The following GPHN variants were observed in gnomAD, a reference collection of about 807,000 sequenced individuals.
The protein encoded by GPHN is gephyrin.
Under a neutral mutation model 95.5 loss-of-function variants are expected in GPHN, and 17 were observed. The ratio of observed to expected loss-of-function variants is 0.18; its 90% CI spans 0.12 to 0.27. The LOEUF is 0.27. GPHN is among the 10% of genes least tolerant of loss of function. The pLI is 1.00. For synonymous variants in GPHN, 320 were observed against 322.5 expected, an observed-to-expected ratio of 0.99 and a Z score of 0.08; for missense variants, 660 against 978.1, an observed-to-expected ratio of 0.67 and a Z score of 4.34.
chr14:66,575,228 C>G (rs1311257239), intron 1 of GPHN, among the ~76,000 whole-genome samples: 1 of 151,972 alleles, frequency 6.6e-6, no homozygotes, highest in Non-Finnish European at 1.5e-5. Context: ...TTTTTTTTCC[C>G]TCTCACTTTC....
chr14:67,170,280 G>A (rs1255729898), intron 21 of GPHN, among the ~76,000 whole-genome samples: 3 of 151,938 alleles, frequency 2.0e-5, no homozygotes, highest in Non-Finnish European at 4.4e-5. Context: ...ATTAATCACA[G>A]TGGTAATCAA....
chr14:66,565,843 A>C (rs1325567934), intron 1 of GPHN, among the ~76,000 whole-genome samples: 1 of 152,146 alleles, frequency 6.6e-6, no homozygotes, highest in Admixed American at 6.5e-5. Flanking sequence ...ACTTAACATG[A>C]ATAATCTGAT....
the GPHN span, among the ~76,000 whole-genome samples, chr14:67,679,849 C>T: frequency 2.0e-5 from 3 of 152,168 alleles, no homozygotes; most frequent in East Asian, 1.9e-4. Context: ...GAATGTATTA[C>T]AATCTTTAGT....
chr14:67,429,876 C>A, the GPHN span, among the ~76,000 whole-genome samples: 1 of 152,168 alleles, frequency 6.6e-6, no homozygotes. Flanking sequence ...AACAGCGCTA[C>A]AAGTAACAGC....
the GPHN span, chr14:67,589,601 A>G: frequency 1.0e-6 from 1 of 986,202 alleles, no homozygotes; most frequent in Non-Finnish European, 1.2e-6. Context: ...GAACACAGGC[A>G]CTAGGTTGAC....
chr14:66,672,872 T>C (rs529241385), intron 1 of GPHN, among the ~76,000 whole-genome samples: 1 of 152,278 alleles, frequency 6.6e-6, no homozygotes, highest in African/African-American at 2.4e-5. Context: ...ACAATCTCTG[T>C]TTTTTAATTG....
At chr14:66,874,868 G>C (rs2063583789) in intron 4 of GPHN, among the ~76,000 whole-genome samples, 1 of 152,150 alleles carries the variant, frequency 6.6e-6, no homozygotes, top group Non-Finnish European at 1.5e-5. Flanking sequence ...CCCCAACGTA[G>C]CAAGACAGGC....
intron 1 of GPHN, among the ~76,000 whole-genome samples, chr14:66,619,171 T>C (rs2063177940): frequency 1.3e-5 from 2 of 152,210 alleles, no homozygotes; most frequent in African/African-American, 2.4e-5. Flanking sequence ...AGCTTTTGGC[T>C]ATTACAAATA....
the GPHN span, chr14:67,241,297 G>T: frequency 6.6e-6 from 1 of 152,610 alleles, no homozygotes; most frequent in African/African-American, 2.4e-5. Flanking sequence ...GTCTCGCGGC[G>T]GCCGCAGGGG....
the GPHN span, among the ~76,000 whole-genome samples, chr14:67,706,438 C>G: frequency 6.6e-6 from 1 of 152,096 alleles, no homozygotes; most frequent in African/African-American, 2.4e-5. Context: ...GGTCAGAACA[C>G]AGTTTGGTTT....
At chr14:66,617,642 C>T (rs1483917736) in intron 1 of GPHN, among the ~76,000 whole-genome samples, 1 of 152,194 alleles carries the variant, frequency 6.6e-6, no homozygotes, top group African/African-American at 2.4e-5. Flanking sequence ...ATGGCTGTTT[C>T]TACTCTGCCA....
intron 10 of GPHN, among the ~76,000 whole-genome samples, chr14:67,057,137 C>T (rs572796890): frequency 1.6e-4 from 25 of 152,288 alleles, no homozygotes; most frequent in African/African-American, 4.8e-4. Flanking sequence ...CACAGTGCAG[C>T]GGCAGGCTGA....
chr14:67,413,451 G>A, the GPHN span, among the ~76,000 whole-genome samples: 5 of 152,154 alleles, frequency 3.3e-5, no homozygotes, highest in African/African-American at 1.2e-4. Context: ...TCTTCACCAG[G>A]CATGGGAAAG....
At chr14:66,757,209 C>A (rs2058588943) in intron 2 of GPHN, among the ~76,000 whole-genome samples, 1 of 152,078 alleles carries the variant, frequency 6.6e-6, no homozygotes, top group Non-Finnish European at 1.5e-5. Context: ...AAAGTTGATA[C>A]AATCTCCAAG....
At chr14:67,199,814 G>A in the GPHN span, 2 of 1,509,898 alleles carry the variant, frequency 1.3e-6, no homozygotes, top group Non-Finnish European at 1.8e-6. Flanking sequence ...GCCTCCTGGA[G>A]CCCTCCCACC....
the GPHN span, among the ~76,000 whole-genome samples, chr14:67,630,371 T>C: frequency 1.3e-5 from 2 of 152,292 alleles, no homozygotes; most frequent in African/African-American, 4.8e-5. Context: ...TCTTATCTGG[T>C]GCTACTGGCA....
At chr14:66,604,001 T>C (rs2062389126) in intron 1 of GPHN, among the ~76,000 whole-genome samples, 1 of 152,134 alleles carries the variant, frequency 6.6e-6, no homozygotes, top group South Asian at 2.1e-4. Context: ...ATTTAGGTCT[T>C]GGGGAATGAA....
the GPHN span, among the ~76,000 whole-genome samples, chr14:67,718,736 G>A: frequency 6.6e-6 from 1 of 152,152 alleles, no homozygotes; most frequent in Non-Finnish European, 1.5e-5. Context: ...TCCCTAAAGA[G>A]CAGGTATCCT....
At chr14:67,432,460 G>T in the GPHN span, among the ~76,000 whole-genome samples, 85 of 152,346 alleles carry the variant, frequency 5.6e-4, 1 homozygote, top group African/African-American at 1.9e-3. Flanking sequence ...AATATCTCCT[G>T]TCTTGAGTAT....
Sources: gnomAD v4.1 joint callset for allele counts (sites outside exome capture counted in the v4.1 genomes callset) on GRCh38, gnomAD v4.1.1 for gene constraint, MANE v1.5 for transcripts, NCBI Gene and HGNC (gene_info 2026-07-23, HGNC 2026-07-21) for gene names.